AUTS2: variants seen among roughly 807,000 people sequenced by gnomAD.
AUTS2 encodes autism susceptibility gene 2 protein.
A neutral mutation model predicts 112.4 loss-of-function variants in AUTS2; 17 were observed. The ratio of observed to expected loss-of-function variants is 0.15; its 90% CI spans 0.10 to 0.23. The LOEUF (loss-of-function observed/expected upper bound fraction) is 0.23. Among genes scored for constraint, AUTS2 ranks in the 10% least tolerant of loss-of-function variants. The pLI, the probability that AUTS2 is intolerant of heterozygous loss-of-function variation, is 1.00. For missense variants in AUTS2, 1,510 were observed against 1,701.6 expected, an observed-to-expected ratio of 0.89 and a Z score of 1.98; for synonymous variants, 751 against 702.7, an observed-to-expected ratio of 1.07 and a Z score of -1.09.
chr7:69,760,226 G>A (rs1788125491), intron 1 of AUTS2, among the ~76,000 whole-genome samples: 1 of 141,424 alleles, frequency 7.1e-6, no homozygotes, highest in African/African-American at 2.7e-5. Context: ...AATAGAGATA[G>A]GGTTTTCCAT....
At chr7:70,394,879 A>G (rs1338383079) in intron 4 of AUTS2, among the ~76,000 whole-genome samples, 1 of 151,930 alleles carries the variant, frequency 6.6e-6, no homozygotes, top group East Asian at 1.9e-4. Context: ...GGAGTTTGAG[A>G]CCAACCTGGA....
chr7:70,536,755 C>T (rs556697986), intron 5 of AUTS2, among the ~76,000 whole-genome samples: 1 of 151,804 alleles, frequency 6.6e-6, no homozygotes, highest in African/African-American at 2.4e-5. Flanking sequence ...ACAAAATTAG[C>T]CGGGCGAGTT....
intron 5 of AUTS2, among the ~76,000 whole-genome samples, chr7:70,490,642 C>G (rs139779474): frequency 1.2e-4 from 18 of 152,248 alleles, no homozygotes; most frequent in Non-Finnish European, 2.4e-4. Flanking sequence ...GACCATAATG[C>G]TTGGCTTTCA....
At chr7:69,927,583 G>A (rs149297660) in intron 2 of AUTS2, among the ~76,000 whole-genome samples, 2 of 152,274 alleles carry the variant, frequency 1.3e-5, no homozygotes, top group East Asian at 1.9e-4. Context: ...CACTCTGCCC[G>A]ACAGGCTGCG....
chr7:70,319,817 A>G (rs889913896), intron 4 of AUTS2, among the ~76,000 whole-genome samples: 2 of 152,152 alleles, frequency 1.3e-5, no homozygotes, highest in African/African-American at 2.4e-5. Context: ...ACATTCTTCC[A>G]TCTAGTCGGA....
At chr7:70,731,033 G>T (rs1353597257) in intron 6 of AUTS2, among the ~76,000 whole-genome samples, 1 of 152,150 alleles carries the variant, frequency 6.6e-6, no homozygotes, top group Non-Finnish European at 1.5e-5. Flanking sequence ...ATGGCCATTT[G>T]TATATCTTCT....
chr7:70,147,924 C>T (rs997043074), intron 4 of AUTS2, among the ~76,000 whole-genome samples: 2 of 151,850 alleles, frequency 1.3e-5, no homozygotes, highest in African/African-American at 4.8e-5. Flanking sequence ...TTTCTTTCTT[C>T]TTGATGTTCC....
At chr7:69,696,140 T>C (rs1407861168) in intron 1 of AUTS2, among the ~76,000 whole-genome samples, 1 of 152,158 alleles carries the variant, frequency 6.6e-6, no homozygotes, top group Admixed American at 6.5e-5. Context: ...CAAGGACAAA[T>C]TTAGTTTTGC....
At chr7:69,950,785 A>G (rs969126954) in intron 2 of AUTS2, among the ~76,000 whole-genome samples, 2 of 152,176 alleles carry the variant, frequency 1.3e-5, no homozygotes, top group African/African-American at 2.4e-5. Context: ...TGGCAAAGTC[A>G]TGCCGTTGCA....
chr7:69,817,008 A>G (rs926144197), intron 1 of AUTS2, among the ~76,000 whole-genome samples: 1 of 152,182 alleles, frequency 6.6e-6, no homozygotes, highest in African/African-American at 2.4e-5. Flanking sequence ...CAAAATGAAG[A>G]TAGTAATAGT....
At chr7:70,021,934 A>G (rs1328955041) in intron 2 of AUTS2, among the ~76,000 whole-genome samples, 1 of 151,960 alleles carries the variant, frequency 6.6e-6, no homozygotes, top group Admixed American at 6.6e-5. Flanking sequence ...ATGACATTTA[A>G]TCTGCATCCT....
chr7:70,254,101 A>G (rs1273004690), intron 4 of AUTS2, among the ~76,000 whole-genome samples: 5 of 152,154 alleles, frequency 3.3e-5, no homozygotes, highest in Non-Finnish European at 7.4e-5. Flanking sequence ...GATTAGAATA[A>G]TATTTTAAAC....
At chr7:70,491,617 G>GTGTA (rs1256920328) in intron 5 of AUTS2, among the ~76,000 whole-genome samples, 1 of 148,832 alleles carries the variant, frequency 6.7e-6, no homozygotes, top group African/African-American at 2.5e-5. Flanking sequence ...GTGTGTGTGT[G>GTGTA]TGTGTGTATT....
chr7:69,684,482 A>G (rs1230295576), intron 1 of AUTS2, among the ~76,000 whole-genome samples: 1 of 152,154 alleles, frequency 6.6e-6, no homozygotes, highest in African/African-American at 2.4e-5. Context: ...TAGAAAAATA[A>G]TCATTTGTAA....
At chr7:69,827,362 T>G (rs1791295153) in intron 1 of AUTS2, among the ~76,000 whole-genome samples, 1 of 152,064 alleles carries the variant, frequency 6.6e-6, no homozygotes, top group Admixed American at 6.6e-5. Flanking sequence ...TCCCTGTGTG[T>G]TTGCGCAGCA....
intron 1 of AUTS2, among the ~76,000 whole-genome samples, chr7:69,788,233 T>C (rs1023271924): frequency 1.8e-4 from 27 of 152,120 alleles, no homozygotes; most frequent in Non-Finnish European, 1.3e-4. Context: ...TCTGGCTGAC[T>C]CCCAGGATTG....
At position 70,384,029 on chromosome 7, in the gene AUTS2, A is replaced by AAAAG. The variant is rs554760920; in HGVS notation, c.661-51703_661-51700dup. 8.3e-4 allele frequency among the ~76,000 whole-genome samples: 126 copies of AAAAG among 152,250 alleles called. 1 individual carries two copies. Among genetic ancestry groups the AAAAG allele is most frequent in the South Asian group, 7.0e-3 (34 of 4,828 alleles). ...AGCAGCCTATGCTAGTCCATTAGGG[A>AAAAG]AAAGAAAGAAAGAAAGAAAGAAAAA... On this transcript the variant is annotated intron_variant, in intron 4 of 18. Coordinates refer to ENST00000342771, the MANE Select transcript of AUTS2 (RefSeq NM_015570.4).
intron 4 of AUTS2, among the ~76,000 whole-genome samples, chr7:70,215,235 A>G (rs1331668482): frequency 3.3e-5 from 5 of 152,212 alleles, no homozygotes; most frequent in African/African-American, 9.6e-5. Flanking sequence ...AGGTATGATC[A>G]TGCCACTGCA....
chr7:70,693,678 C>T (rs925884622), intron 5 of AUTS2, among the ~76,000 whole-genome samples: 7 of 152,232 alleles, frequency 4.6e-5, no homozygotes, highest in Non-Finnish European at 8.8e-5. Flanking sequence ...CCACTGAGCC[C>T]TCACAACCGC....
Sources: allele counts gnomAD v4.1 joint callset (sites outside exome capture counted in the v4.1 genomes callset), GRCh38; gene constraint gnomAD v4.1.1; transcripts MANE v1.5; gene names NCBI Gene and HGNC (gene_info 2026-07-23, HGNC 2026-07-21).